Variants in ARHGAP17 observed in about 807,000 individuals in gnomAD.
ARHGAP17 encodes rho GTPase-activating protein 17.
ARHGAP17 carries 57 observed loss-of-function variants against 99.5 expected under a neutral mutation model. The observed-to-expected ratio is 0.57, with a 90% CI of 0.46 to 0.71. The LOEUF (loss-of-function observed/expected upper bound fraction) is 0.71, where lower values mean the gene tolerates loss of function less well. Among genes scored for constraint, ARHGAP17 ranks in the 30% least tolerant of loss-of-function variants. ARHGAP17 has a pLI of 0.00. For synonymous variants in ARHGAP17, 417 were observed against 429.6 expected (o/e 0.97, Z 0.36); for missense variants, 1,000 against 1,122.4 (o/e 0.89, Z 1.56).
intron 2 of ARHGAP17, among the ~76,000 whole-genome samples, chr16:24,978,147 G>T (rs1033092378): frequency 6.6e-5 from 10 of 152,088 alleles, no homozygotes; most frequent in Non-Finnish European, 1.5e-4. Context: ...TCAAACATTA[G>T]AAAACTAATC....
chr16:24,983,500 T>C (rs1325752754), intron 1 of ARHGAP17, among the ~76,000 whole-genome samples: 4 of 152,040 alleles, frequency 2.6e-5, no homozygotes, highest in African/African-American at 9.7e-5. Context: ...AGATGGATTC[T>C]CACTACATTG....
rs1027098122 is a variant in ARHGAP17, at chr16:24,923,576, T to C, written c.2516-3316A>G. Among the ~76,000 whole-genome samples, 43 of 151,974 alleles carry C rather than the reference T, an allele frequency of 2.8e-4. 1 individual carries two copies. The highest frequency in any genetic ancestry group is 2.6e-4 in the Admixed American group (4 of 15,248). On this transcript the variant is annotated intron_variant, in intron 19 of 19. Coordinates refer to ENST00000289968, the MANE Select transcript of ARHGAP17 (RefSeq NM_001006634.3). Reference sequence around the variant, plus strand: ...GTCTCTATAAGAAAAACACAAAAATTAGCCGGGTGTGGTGGTGCATGCCTC... The same window carrying C: ...GTCTCTATAAGAAAAACACAAAAATCAGCCGGGTGTGGTGGTGCATGCCTC...
At chr16:24,975,567 C>A (rs962992039) in intron 3 of ARHGAP17, among the ~76,000 whole-genome samples, 2 of 152,178 alleles carry the variant, frequency 1.3e-5, no homozygotes, top group Non-Finnish European at 2.9e-5. Context: ...ATTCCTATGA[C>A]AGACATGATT....
intron 15 of ARHGAP17, among the ~76,000 whole-genome samples, chr16:24,942,363 A>C (rs1014655905): frequency 1.3e-5 from 2 of 152,224 alleles, no homozygotes; most frequent in African/African-American, 4.8e-5. Context: ...GGGTCAGAAT[A>C]TAAGTTACAC....
intron 13 of ARHGAP17, among the ~76,000 whole-genome samples, chr16:24,948,665 G>GCTTA (rs2051544337): frequency 6.6e-6 from 1 of 152,024 alleles, no homozygotes; most frequent in African/African-American, 2.4e-5. Context: ...ATGTAGCTTA[G>GCTTA]CTTAGTAGGA....
intron 1 of ARHGAP17, among the ~76,000 whole-genome samples, chr16:25,010,284 G>C (rs994066434): frequency 6.6e-6 from 1 of 152,042 alleles, no homozygotes; most frequent in Non-Finnish European, 1.5e-5. Context: ...ATGTTGCTCA[G>C]GCTGGTCTGA....
At chr16:25,012,369 G>A (rs994682182) in intron 1 of ARHGAP17, among the ~76,000 whole-genome samples, 5 of 152,160 alleles carry the variant, frequency 3.3e-5, no homozygotes, top group Non-Finnish European at 7.3e-5. Flanking sequence ...TACAGTGAAA[G>A]TACTCAAAGG....
Position 24,955,026 on chromosome 16 carries a change from C to T in ARHGAP17, c.725-296G>A, listed in dbSNP as rs948296890. The T allele has an allele frequency of 1.8e-4, 55 of 313,740 alleles. 1 individual carries two copies. Among genetic ancestry groups the T allele is most frequent in the Non-Finnish European group, 2.8e-4 (48 of 171,478 alleles). The allele number at this position is 313,740 out of a possible 1,614,324, so 19.4% of individuals were successfully genotyped here. On this transcript the variant is annotated intron_variant, in intron 9 of 19. Coordinates refer to ENST00000289968, the MANE Select transcript of ARHGAP17 (RefSeq NM_001006634.3). The surrounding 1 kb of genome is among the most constrained non-coding windows in gnomAD (Gnocchi z 4.0). ...ACCTGCACCACACTTCATCAACACA[C>T]GCCAGCGGGTTTAGTGGGCTGCCTT...
intron 2 of ARHGAP17, among the ~76,000 whole-genome samples, chr16:24,978,652 T>C (rs1002915818): frequency 7.2e-5 from 11 of 151,974 alleles, no homozygotes; most frequent in Non-Finnish European, 1.2e-4. Flanking sequence ...CCTAACAACC[T>C]GTGAGGTGGA....
At position 24,953,648 on chromosome 16, in the gene ARHGAP17, C is replaced by T. The variant is rs372886651; in HGVS notation, c.853-606G>A. On this transcript the variant is annotated intron_variant, in intron 10 of 19. Transcript: ENST00000289968. ...TCTCCAGCCACGATTCCTGTACAGC[C>T]TGTGGAACTGTGAGTCAGGTAAAGC... 4.5e-4 allele frequency among the ~76,000 whole-genome samples: 68 copies of T among 152,304 alleles called. 1 individual carries two copies. The South Asian group carries it at 0.014, about 32-fold the overall frequency.
At chr16:25,012,891 TC>T (rs1363449947) in intron 1 of ARHGAP17, among the ~76,000 whole-genome samples, 1 of 152,072 alleles carries the variant, frequency 6.6e-6, no homozygotes, top group East Asian at 1.9e-4. Context: ...TCTATCCACT[TC>T]ATGTTTTCCC....
rs113169957 is a variant in ARHGAP17 at position 24,958,864 on chromosome 16, T to A, written c.724+807A>T. Among the ~76,000 whole-genome samples, 565 of 152,220 alleles carry A rather than the reference T, an allele frequency of 3.7e-3. 8 individuals are homozygous for A. The highest frequency in any genetic ancestry group is 0.013 in the African/African-American group (544 of 41,530). On this transcript the variant is annotated intron_variant, in intron 9 of 19. Coordinates refer to ENST00000289968, the MANE Select transcript of ARHGAP17 (RefSeq NM_001006634.3). ...AGACCAGTGGTTCTGCAGAGGAGCA[T>A]AAGCTCCAAATGTCAGGTCTACACC...
In ARHGAP17 at chr16:24,997,679, C is replaced by T. The variant is rs534437621; in HGVS notation, c.53+17530G>A. On this transcript the variant is annotated intron_variant, in intron 1 of 19. Transcript: ENST00000289968. ...CTGCAAAGGAGAAAGGAACAGGACT[C>T]GGTGACTTGGGGGTGGACAGGAAGT... 2.0e-5 allele frequency among the ~76,000 whole-genome samples: 3 copies of T among 152,146 alleles called. No individual in the cohort carries two copies. In the East Asian group the frequency reaches 5.8e-4, roughly 29 times the overall value.
chr16:24,940,219 C>T (rs1053520816), intron 16 of ARHGAP17, among the ~76,000 whole-genome samples: 4 of 152,148 alleles, frequency 2.6e-5, no homozygotes, highest in Non-Finnish European at 2.9e-5. Context: ...TCACCACATC[C>T]GGCCTATTTC....
At chr16:24,961,911 T>TTAGGAATTTTATATATATA (rs147868119) in intron 7 of ARHGAP17, among the ~76,000 whole-genome samples, 194 of 130,004 alleles carry the variant, frequency 1.5e-3, no homozygotes, top group South Asian at 6.8e-3. Context: ...CATAGGAATT[T>TTAGGAATTTTATATATATA]TATATATATA....
chr16:24,949,616 A>T (rs1597391868), intron 12 of ARHGAP17, 132 bp from the exon 13 acceptor site: 1 of 706,336 alleles, frequency 1.4e-6, no homozygotes, highest in East Asian at 2.8e-5. Context: ...CTATGGAAAT[A>T]AACAGATTTA....
At chr16:25,003,249 T>C (rs1460828360) in intron 1 of ARHGAP17, among the ~76,000 whole-genome samples, 8 of 142,362 alleles carry the variant, frequency 5.6e-5, no homozygotes, top group African/African-American at 8.3e-5. Flanking sequence ...TTTTTTTTTT[T>C]TTTGAGACAG....
At chr16:24,949,778 A>G (rs1224818482) in intron 12 of ARHGAP17, among the ~76,000 whole-genome samples, 2 of 152,206 alleles carry the variant, frequency 1.3e-5, no homozygotes, top group East Asian at 1.9e-4. Context: ...AGAAGAGACA[A>G]GACACTACTG....
intron 14 of ARHGAP17, among the ~76,000 whole-genome samples, chr16:24,945,417 G>A (rs1046820712): frequency 6.6e-6 from 1 of 152,074 alleles, no homozygotes; most frequent in African/African-American, 2.4e-5. Context: ...CTGAGAGTCA[G>A]AACACCACAA....
Sources: allele counts gnomAD v4.1 joint callset (sites outside exome capture counted in the v4.1 genomes callset), GRCh38; gene constraint gnomAD v4.1.1; non-coding constraint Gnocchi (gnomAD v3.1); transcripts MANE v1.5; gene names NCBI Gene and HGNC (gene_info 2026-07-23, HGNC 2026-07-21).